The following ANKS1B variants were observed in gnomAD, a reference collection of about 807,000 sequenced individuals.
ANKS1B encodes the protein ankyrin repeat and sterile alpha motif domain containing 1B, also known as ankyrin repeat and sterile alpha motif domain-containing protein 1B.
Under a neutral mutation model 148.3 loss-of-function variants are expected in ANKS1B, and 36 were observed. That is an observed-to-expected ratio of 0.24 (90% CI 0.19 to 0.32). ANKS1B has a LOEUF of 0.32. Among genes scored for constraint, ANKS1B ranks in the 10% least tolerant of loss-of-function variants. ANKS1B has a pLI of 1.00. For missense variants in ANKS1B, 1,157 were observed against 1,542.6 expected (o/e 0.75, Z 4.19); for synonymous variants, 542 against 560.8 (o/e 0.97, Z 0.47).
intron 10 of ANKS1B, among the ~76,000 whole-genome samples, chr12:99,468,715 A>C (rs1236098972): frequency 3.3e-5 from 5 of 152,330 alleles, no homozygotes; most frequent in East Asian, 3.9e-4. Context: ...GCCATCAAAG[A>C]AATGCAAATC....
intron 1 of ANKS1B, among the ~76,000 whole-genome samples, chr12:99,951,982 G>A (rs575034013): frequency 2.6e-5 from 4 of 152,148 alleles, no homozygotes; most frequent in Admixed American, 1.3e-4. Flanking sequence ...TTGTATACAC[G>A]TATCAAAATA....
intron 1 of ANKS1B, among the ~76,000 whole-genome samples, chr12:99,970,652 T>G (rs1818875763): frequency 6.6e-6 from 1 of 152,154 alleles, no homozygotes; most frequent in Non-Finnish European, 1.5e-5. Context: ...ATCAAACTAC[T>G]TATAATACCC....
intron 12 of ANKS1B, among the ~76,000 whole-genome samples, chr12:99,303,192 G>C (rs61940248): frequency 6.6e-6 from 1 of 151,966 alleles, no homozygotes; most frequent in Admixed American, 6.6e-5. Flanking sequence ...TGTTACATGG[G>C]GAAGGTGTAT....
At chr12:99,603,404 A>G (rs2097822791) in intron 9 of ANKS1B, among the ~76,000 whole-genome samples, 1 of 152,112 alleles carries the variant, frequency 6.6e-6, no homozygotes. Context: ...TTCTTTAGCC[A>G]TCTATAAGGC....
intron 10 of ANKS1B, among the ~76,000 whole-genome samples, chr12:99,460,477 C>G (rs946213597): frequency 6.6e-6 from 1 of 152,100 alleles, no homozygotes; most frequent in African/African-American, 2.4e-5. Context: ...AGTAAACAGA[C>G]AACCCACAGA....
At chr12:99,177,079 A>T (rs1348291613) in intron 14 of ANKS1B, among the ~76,000 whole-genome samples, 2 of 152,154 alleles carry the variant, frequency 1.3e-5, no homozygotes, top group Non-Finnish European at 2.9e-5. Context: ...GTTCATCATC[A>T]TCACTGAACA....
At chr12:99,876,797 T>C (rs993897487) in intron 1 of ANKS1B, among the ~76,000 whole-genome samples, 1 of 151,812 alleles carries the variant, frequency 6.6e-6, no homozygotes, top group Non-Finnish European at 1.5e-5. Flanking sequence ...TGGAAAAGTA[T>C]AAGTATAAAA....
At chr12:99,840,922 G>C (rs2085636553) in intron 1 of ANKS1B, among the ~76,000 whole-genome samples, 1 of 152,038 alleles carries the variant, frequency 6.6e-6, no homozygotes, top group Admixed American at 6.6e-5. Context: ...GCTTGCTACT[G>C]GATTCTCATG....
At chr12:99,889,180 C>T (rs1221500161) in intron 1 of ANKS1B, among the ~76,000 whole-genome samples, 1 of 152,088 alleles carries the variant, frequency 6.6e-6, no homozygotes, top group Non-Finnish European at 1.5e-5. Context: ...TACTCCGTAC[C>T]AAGCATCTTA....
chr12:99,619,976 A>T (rs1322772139), intron 9 of ANKS1B, among the ~76,000 whole-genome samples: 1 of 152,166 alleles, frequency 6.6e-6, no homozygotes, highest in Non-Finnish European at 1.5e-5. Flanking sequence ...ATTGCCTAAG[A>T]CAAAAGAGAG....
At chr12:98,851,641 C>T (rs914897838) in intron 17 of ANKS1B, among the ~76,000 whole-genome samples, 10 of 152,008 alleles carry the variant, frequency 6.6e-5, no homozygotes, top group Non-Finnish European at 1.0e-4. Flanking sequence ...TTAGAAAATA[C>T]GTGTAAAGTG....
At chr12:99,183,406 G>A (rs916073610) in intron 14 of ANKS1B, among the ~76,000 whole-genome samples, 6 of 152,168 alleles carry the variant, frequency 3.9e-5, no homozygotes, top group Non-Finnish European at 8.8e-5. Context: ...CACTTTGGGA[G>A]GCCAAGGCGG....
chr12:99,233,302 T>C (rs1348542225), intron 14 of ANKS1B, among the ~76,000 whole-genome samples: 5 of 152,082 alleles, frequency 3.3e-5, no homozygotes, highest in Admixed American at 3.3e-4. Flanking sequence ...TACAGTCTTA[T>C]AGGGTGGTTA....
At chr12:99,753,464 T>C (rs1252005961) in intron 8 of ANKS1B, among the ~76,000 whole-genome samples, 2 of 152,106 alleles carry the variant, frequency 1.3e-5, no homozygotes, top group African/African-American at 2.4e-5. Flanking sequence ...GGGGCCACGA[T>C]AATTTAGTTA....
rs562510468 is a variant in ANKS1B at position 99,067,896 on chromosome 12, G to A, written c.2626-14587C>T. On this transcript the variant is annotated intron_variant, in intron 16 of 26. Coordinates refer to ENST00000683438, the MANE Select transcript of ANKS1B (RefSeq NM_001352186.2). Reference sequence around the variant, plus strand: ...TGTGTGCATGTGTGTGTGTGTGTGTGTATGTGTGTGTATGTGTGTTTGTCA... The same window carrying A: ...TGTGTGCATGTGTGTGTGTGTGTGTATATGTGTGTGTATGTGTGTTTGTCA... Among the ~76,000 whole-genome samples, 17 of 151,698 alleles carry A rather than the reference G, an allele frequency of 1.1e-4. No individual in the cohort carries two copies. In the South Asian group the frequency reaches 2.1e-3, roughly 19 times the overall value.
At chr12:99,819,718 G>T (rs889269572) in intron 2 of ANKS1B, among the ~76,000 whole-genome samples, 15 of 151,462 alleles carry the variant, frequency 9.9e-5, no homozygotes, top group Non-Finnish European at 8.9e-5. Context: ...AAGTAGAGAA[G>T]AAAAATTGAA....
chr12:99,715,281 T>C (rs2057162729), intron 8 of ANKS1B, among the ~76,000 whole-genome samples: 1 of 152,082 alleles, frequency 6.6e-6, no homozygotes, highest in Non-Finnish European at 1.5e-5. Context: ...CATTCCACCA[T>C]AAAAGAAGTG....
In ANKS1B at chr12:99,228,498, C is replaced by G. The variant is rs74979630; in HGVS notation, c.2419+15844G>C. Among the ~76,000 whole-genome samples, 18 of 151,806 alleles carry G rather than the reference C, an allele frequency of 1.2e-4. 1 individual carries two copies. In the East Asian group the frequency reaches 3.3e-3, roughly 28 times the overall value. ...GAGAAATGAGTGGAAGCATATACAC[C>G]ACACTAACATTGAACATTTACAAGA... is the stretch of plus-strand genomic sequence containing the variant. On this transcript the variant is annotated intron_variant, in intron 14 of 26. Coordinates refer to ENST00000683438, the MANE Select transcript of ANKS1B (RefSeq NM_001352186.2).
chr12:99,364,080 G>A (rs898335856), intron 12 of ANKS1B, among the ~76,000 whole-genome samples: 5 of 152,010 alleles, frequency 3.3e-5, no homozygotes, highest in African/African-American at 4.8e-5. Flanking sequence ...CTCCAAGAAT[G>A]CCCCCAAAAG....
Sources: allele counts gnomAD v4.1 joint callset (sites outside exome capture counted in the v4.1 genomes callset), GRCh38; gene constraint gnomAD v4.1.1; transcripts MANE v1.5; gene names NCBI Gene and HGNC (gene_info 2026-07-23, HGNC 2026-07-21).